NIFK: variants seen among roughly 807,000 people sequenced by gnomAD.
NIFK encodes the protein nucleolar protein interacting with the FHA domain of MKI67, also known as MKI67 FHA domain-interacting nucleolar phosphoprotein.
In NIFK, 16 loss-of-function variants were observed where a neutral mutation model predicts 31.7. That is an observed-to-expected ratio of 0.50 (90% confidence interval 0.34 to 0.77). NIFK has a LOEUF of 0.77. Ranked by LOEUF, NIFK falls within the 30% of genes least tolerant of loss-of-function variation. The probability of loss-of-function intolerance (pLI) is 0.01; values close to 1 mark genes in which losing one functional copy is unlikely to be tolerated. For synonymous variants in NIFK, 126 were observed against 123.0 expected (o/e 1.02, Z -0.16); for missense variants, 341 against 350.4 (o/e 0.97, Z 0.21).
Position 121,732,218 on chromosome 2 carries a change from ACCGCC to A in NIFK, c.244-19_244-15del. 1 of 1,484,470 alleles carries A rather than the reference ACCGCC, an allele frequency of 6.7e-7. No homozygotes were observed. The highest frequency in any genetic ancestry group is 9.4e-7 in the Non-Finnish European group (1 of 1,068,788). 92.0% of individuals were successfully genotyped at this position (1,484,470 alleles called of 1,614,324 possible). A position where few individuals can be genotyped will look rare whatever the true frequency, so the allele number is the denominator to read the frequency against. On this transcript the variant is annotated splice_polypyrimidine_tract_variant and intron_variant, in intron 2 of 6. Coordinates refer to ENST00000285814, the MANE Select transcript of NIFK (RefSeq NM_032390.5). The stretch of plus-strand genomic sequence containing the variant: ...GCTATTTCCAGTCTGCAACAGAGAA[ACCGCC>A]ACAAAAAGTAGAACAATTAAATTTG...
In NIFK at chr2:121,730,989, T is replaced by C; in HGVS notation, c.468A>G (p.Thr156=). ...VKRYNRNRTL[T]QKLRMEERFK... ...ATCGCTCCTCCATCCGTAGCTTTTGTGTTAGTGTCCGATTCCGATTATACC... is the reference window on the plus strand; with the variant it reads ...ATCGCTCCTCCATCCGTAGCTTTTGCGTTAGTGTCCGATTCCGATTATACC... The change falls in exon 4 of 7, where the codon ACA becomes ACG. Residue 156 remains threonine, a synonymous_variant. Coordinates refer to ENST00000285814, the MANE Select transcript of NIFK (RefSeq NM_032390.5). 6.2e-7 allele frequency: 1 copy of C among 1,613,244 alleles called. No individual in the cohort carries two copies. Among genetic ancestry groups the C allele is most frequent in the South Asian group, 1.1e-5 (1 of 91,046 alleles).
rs760272804 is a variant in NIFK, at chr2:121,727,774, G to T, written c.832C>A (p.Gln278Lys). 4.4e-6 allele frequency: 7 copies of T among 1,606,818 alleles called. No homozygotes were observed. In the East Asian group the frequency reaches 1.6e-4, roughly 36 times the overall value. Residue 278 changes from glutamine to lysine, a missense_variant, in exon 7 of 7, where the codon CAA (glutamine) becomes AAA (lysine). Physicochemically the swap from Gln to Lys is moderately conservative, Grantham distance 53. Coordinates refer to ENST00000285814, the MANE Select transcript of NIFK (RefSeq NM_032390.5). Reference protein sequence around the residue: ...SCVKEEIQETQTPTHSRKKRR... With the variant: ...SCVKEEIQETKTPTHSRKKRR... ...TTTTTCCGTGAATGTGTAGGTGTTT[G>T]AGTCTCTTGTATTTCTTCTTTTACA... is the stretch of plus-strand genomic sequence containing the variant.
Position 121,728,524 on chromosome 2 carries a change from T to TA in NIFK, c.576_577insT (p.Thr193TyrfsTer8), listed in dbSNP as rs1435290500. On this transcript the variant is annotated frameshift_variant, in exon 5 of 7. Transcript: ENST00000285814. LOFTEE classifies it high-confidence loss of function. ...CGATTAGTTTTTGAAATACTTTCCG[T>TA]TTTCTGTAAAATCTTTAATAAAGAA... 1 of 1,578,302 alleles carries TA rather than the reference T, an allele frequency of 6.3e-7. No individual in the cohort carries two copies. Among genetic ancestry groups the TA allele is most frequent in the African/African-American group, 1.4e-5 (1 of 73,018 alleles).
At chr2:121,736,650 CA>C in intron 1 of NIFK, 95 bp downstream of exon 1, 1 of 1,061,154 alleles carries the variant, frequency 9.4e-7, no homozygotes, top group East Asian at 2.4e-5. Flanking sequence ...AGCACGAAGG[CA>C]AGGGGCGCCC....
chr2:121,727,610 T>G lies in NIFK; in HGVS notation c.*114A>C. 1.1e-6 allele frequency: 1 copy of G among 892,610 alleles called. No individual in the cohort carries two copies. Among genetic ancestry groups the G allele is most frequent in the African/African-American group, 1.7e-5 (1 of 58,908 alleles). The allele number at this position is 892,610 out of a possible 1,614,324, so 55.3% of individuals were successfully genotyped here. ...CTTTCCTTAACTTGACCAAACAGTG[T>G]ATTTTTCCTCTGAAAATCTTGTCAA... On this transcript the variant is annotated 3_prime_UTR_variant, in exon 7 of 7. Coordinates refer to ENST00000285814, the MANE Select transcript of NIFK (RefSeq NM_032390.5).
At chr2:121,729,838 G>T (rs1465685596) in intron 4 of NIFK, among the ~76,000 whole-genome samples, 3 of 152,184 alleles carry the variant, frequency 2.0e-5, no homozygotes, top group African/African-American at 4.8e-5. Flanking sequence ...CTCCTTAAAA[G>T]AAGCTTCCTC....
At chr2:121,729,940 T>A (rs1446648972) in intron 4 of NIFK, among the ~76,000 whole-genome samples, 1 of 152,188 alleles carries the variant, frequency 6.6e-6, no homozygotes, top group Non-Finnish European at 1.5e-5. Context: ...AGGCCAGTCA[T>A]GGTGGCTCAC....
At chr2:121,728,132 G>C in intron 6 of NIFK, 156 bp downstream of exon 6, 1 of 690,338 alleles carries the variant, frequency 1.4e-6, no homozygotes, top group Non-Finnish European at 2.4e-6. Flanking sequence ...TCCATTATAA[G>C]GTTTTAGGCA....
rs570124403 is a variant in NIFK at position 121,727,869 on chromosome 2, T to G, written c.737A>C (p.Lys246Thr). 1 of 1,607,146 alleles carries G rather than the reference T, an allele frequency of 6.2e-7. No homozygotes were observed. Among genetic ancestry groups the G allele is most frequent in the African/African-American group, 1.3e-5 (1 of 74,644 alleles). The change falls in exon 7 of 7, where the codon AAA (lysine) becomes ACA (threonine). Residue 246 changes from lysine to threonine, a missense_variant. Transcript: ENST00000285814. ...VCTPTFLERRKSQVAELNDDD... is the reference protein window; with the variant it reads ...VCTPTFLERRTSQVAELNDDD... ...ATCATTCAGTTCAGCCACTTGAGAT[T>G]TTCGCCTCTCCAAAAATGTTGGTGT...
At chr2:121,733,136 C>T (rs2074555760) in intron 2 of NIFK, among the ~76,000 whole-genome samples, 2 of 150,668 alleles carry the variant, frequency 1.3e-5, no homozygotes, top group African/African-American at 4.9e-5. Context: ...CCCAGCACTC[C>T]AGGAGGCCGA....
intron 2 of NIFK, among the ~76,000 whole-genome samples, chr2:121,732,869 TC>T (rs1215801561): frequency 2.6e-5 from 4 of 151,690 alleles, no homozygotes; most frequent in African/African-American, 9.7e-5. Context: ...GATCTCAAGG[TC>T]AGGGGTTTGA....
intron 4 of NIFK, among the ~76,000 whole-genome samples, chr2:121,729,781 C>A (rs1573373304): frequency 6.6e-6 from 1 of 152,194 alleles, no homozygotes; most frequent in Non-Finnish European, 1.5e-5. Context: ...AGTGGGTTTA[C>A]TTCAGTAACT....
chr2:121,728,363 A>C lies in NIFK; in HGVS notation c.625-7T>G. The stretch of plus-strand genomic sequence containing the variant: ...TCTTCTTCTTACGTAAAACCTTAAA[A>C]TAAATTTTAAAACACATCAATTTGA... On this transcript the variant is annotated splice_polypyrimidine_tract_variant and splice_region_variant and intron_variant, in intron 5 of 6. Coordinates refer to ENST00000285814, the MANE Select transcript of NIFK (RefSeq NM_032390.5). 1 of 1,582,664 alleles carries C rather than the reference A, an allele frequency of 6.3e-7. No individual in the cohort carries two copies. The highest frequency in any genetic ancestry group is 8.7e-7 in the Non-Finnish European group (1 of 1,153,412).
intron 2 of NIFK, among the ~76,000 whole-genome samples, chr2:121,735,098 A>G (rs548219617): frequency 6.6e-6 from 1 of 152,348 alleles, no homozygotes; most frequent in Admixed American, 6.5e-5. Context: ...ATACTTATAT[A>G]GTGTTTATTG....
chr2:121,736,598 T>G (rs1190893553), intron 1 of NIFK, 148 bp downstream of exon 1: 2 of 664,870 alleles, frequency 3.0e-6, no homozygotes, highest in Non-Finnish European at 5.3e-6. Context: ...GGTCCCTGAT[T>G]CGGTCGAATC....
rs2074501049 is a variant in NIFK at position 121,727,702 on chromosome 2, AAG to A, written c.*20_*21del. The stretch of plus-strand genomic sequence containing the variant: ...CTCATAAAAATATTATATTTTTCAA[AAG>A]AAATATAATACATTGAAAATCACTG... On this transcript the variant is annotated 3_prime_UTR_variant, in exon 7 of 7. Coordinates refer to ENST00000285814, the MANE Select transcript of NIFK (RefSeq NM_032390.5). The A allele has an allele frequency of 6.5e-7, 1 of 1,542,386 alleles. No homozygotes were observed. The highest frequency in any genetic ancestry group is 1.4e-5 in the African/African-American group (1 of 71,952).
rs975978905 is a variant in NIFK, at chr2:121,728,798, A to C, written c.565-262T>G. 2.0e-5 allele frequency among the ~76,000 whole-genome samples: 3 copies of C among 152,160 alleles called. No individual in the cohort carries two copies. In the South Asian group the frequency reaches 6.2e-4, roughly 31 times the overall value. ...TGATTCACAGAATCCTGAATTCAGG[A>C]GGGTGGAAGCAGGAAGAATGTGCAA... On this transcript the variant is annotated intron_variant, in intron 4 of 6. Coordinates refer to ENST00000285814, the MANE Select transcript of NIFK (RefSeq NM_032390.5).
Position 121,727,638 on chromosome 2 carries a change from G to C in NIFK, c.*86C>G. The C allele has an allele frequency of 9.8e-7, 1 of 1,023,624 alleles. No individual in the cohort carries two copies. Among genetic ancestry groups the C allele is most frequent in the East Asian group, 2.6e-5 (1 of 38,534 alleles). 63.4% of individuals were successfully genotyped at this position (1,023,624 alleles called of 1,614,324 possible). ...TTTTCCTCTGAAAATCTTGTCAAAG[G>C]TTGTATTCCATTGTACCTAGTGAAA... is the stretch of plus-strand genomic sequence containing the variant. On this transcript the variant is annotated 3_prime_UTR_variant, in exon 7 of 7. Transcript: ENST00000285814.
At position 121,728,461 on chromosome 2, in the gene NIFK, A is replaced by AT. The variant is rs772988929; in HGVS notation, c.624+15dup. ...TCTCTAATATCTTGCATGTAAAATG[A>AT]TAAAAAAAATTTTACCTGGCCTTTT... is the stretch of plus-strand genomic sequence containing the variant. On this transcript the variant is annotated intron_variant, in intron 5 of 6. Transcript: ENST00000285814. 6.4e-7 allele frequency: 1 copy of AT among 1,567,048 alleles called. No individual in the cohort carries two copies. The highest frequency in any genetic ancestry group is 1.2e-5 in the South Asian group (1 of 85,290).
Sources: allele counts gnomAD v4.1 joint callset (sites outside exome capture counted in the v4.1 genomes callset), GRCh38; gene constraint gnomAD v4.1.1; transcripts MANE v1.5; gene names NCBI Gene and HGNC (gene_info 2026-07-23, HGNC 2026-07-21).